RRP8: variants seen among roughly 807,000 people sequenced by gnomAD.
RRP8 encodes ribosomal RNA-processing protein 8.
RRP8 carries 48 observed loss-of-function variants against 45.0 expected under a neutral mutation model. The observed-to-expected ratio is 1.07, with a 90% CI of 0.85 to 1.36. The LOEUF is 1.36. RRP8 is among the 40% of genes most tolerant of loss of function. RRP8 has a pLI of 0.00. For missense variants in RRP8, 658 were observed against 573.7 expected (o/e 1.15, Z -1.50); for synonymous variants, 274 against 212.4 (o/e 1.29, Z -2.52).
In RRP8 at chr11:6,601,674, C is replaced by T. The variant is rs1417158345; in HGVS notation, c.464-72G>A. 18 of 1,508,752 alleles carry T rather than the reference C, an allele frequency of 1.2e-5. No homozygotes were observed. The Admixed American group carries it at 3.3e-4, about 28-fold the overall frequency. 93.5% of individuals were successfully genotyped at this position (1,508,752 alleles called of 1,614,324 possible). A position where few individuals can be genotyped will look rare whatever the true frequency, so the allele number is the denominator to read the frequency against. On this transcript the variant is annotated intron_variant, in intron 2 of 6. Coordinates refer to ENST00000254605, the MANE Select transcript of RRP8 (RefSeq NM_015324.4). ...CATTCGGAGTCACGGCAAGTCATCC[C>T]AGCCATACCTCTGTCTTTGAGATCG... is the stretch of plus-strand genomic sequence containing the variant.
rs1230783061 is a variant in RRP8 at position 6,601,275 on chromosome 11, C to G, written c.791G>C (p.Ser264Thr). The change falls in exon 3 of 7, where the codon AGT becomes ACT. Residue 264 changes from serine to threonine, a missense_variant. Transcript: ENST00000254605. ...TTCCTGGAAGAGACGCTGTGCAGCA[C>G]TGCTGGGCCCTGAGTACAACTGTTC... Reference protein sequence around the residue: ...LNEQLYSGPSSAAQRLFQEDP... With the variant: ...LNEQLYSGPSTAAQRLFQEDP... 1 of 1,612,470 alleles carries G rather than the reference C, an allele frequency of 6.2e-7. No homozygotes were observed. Among genetic ancestry groups the G allele is most frequent in the Non-Finnish European group, 8.5e-7 (1 of 1,179,316 alleles).
chr11:6,602,242 G>A (rs765475554), intron 1 of RRP8, 27 bp from the exon 2 acceptor site: 7 of 1,520,080 alleles, frequency 4.6e-6, no homozygotes, highest in African/African-American at 2.8e-5. Flanking sequence ...GATGACAGTG[G>A]GCCTAAAGAG....
rs1017082378 is a variant in RRP8 at position 6,595,887 on chromosome 11, G to T, written c.*4259C>A. ...ATTTTCTTGTTCAAAGTCCAATATG[G>T]ATGTTTTTGGTCAAGTAGCTATTAT... On this transcript the variant is annotated 3_prime_UTR_variant, in exon 7 of 7. Coordinates refer to ENST00000254605, the MANE Select transcript of RRP8 (RefSeq NM_015324.4). 3 of 152,180 alleles carry T rather than the reference G, an allele frequency of 2.0e-5. No homozygotes were observed. Among genetic ancestry groups the T allele is most frequent in the African/African-American group, 7.2e-5 (3 of 41,440 alleles). 9.4% of individuals were successfully genotyped at this position (152,180 alleles called of 1,614,324 possible).
chr11:6,600,251 G>A lies in RRP8; in HGVS notation c.1266C>T (p.Ser422=), dbSNP rs2134497260. The A allele has an allele frequency of 6.3e-7, 1 of 1,597,864 alleles. No homozygotes were observed. The highest frequency in any genetic ancestry group is 8.5e-7 in the Non-Finnish European group (1 of 1,174,226). ...FKIVSKDLTN[S]HFFLFDFQKT... ...TTTGGAAATCAAACAAGAAGAAATG[G>A]CTGTTGGTCAGGTCCTAGGGGCAGA... The change falls in exon 7 of 7, where the codon AGC becomes AGT. Residue 422 remains serine (S), a synonymous_variant. Transcript: ENST00000254605.
At position 6,600,200 on chromosome 11, in the gene RRP8, G is replaced by C. The variant is rs771095755; in HGVS notation, c.1317C>G (p.Pro439=). The C allele has an allele frequency of 6.2e-7, 1 of 1,608,376 alleles. No individual in the cohort carries two copies. Among genetic ancestry groups the C allele is most frequent in the Non-Finnish European group, 8.5e-7 (1 of 1,177,938 alleles). The change falls in exon 7 of 7, where the codon CCC becomes CCG. Residue 439 remains proline (P), a synonymous_variant. Coordinates refer to ENST00000254605, the MANE Select transcript of RRP8 (RefSeq NM_015324.4). Reference sequence around the variant, plus strand: ...GCTGCAGGCCTGAAAGCTGAGCCTTGGGCCCTACCAGAGGGGGCCCAGTCT... The same window carrying C: ...GCTGCAGGCCTGAAAGCTGAGCCTTCGGCCCTACCAGAGGGGGCCCAGTCT... The part of the protein sequence containing the change: ...FQKTGPPLVG[P]KAQLSGLQLQ...
In RRP8 at chr11:6,603,484, A is replaced by T; in HGVS notation, c.19T>A (p.Trp7Arg). The T allele has an allele frequency of 6.3e-7, 1 of 1,593,430 alleles. No individual in the cohort carries two copies. Among genetic ancestry groups the T allele is most frequent in the Non-Finnish European group, 8.5e-7 (1 of 1,171,286 alleles). MFEEPEWAEAAPVAAGL... is the reference protein window; with the variant it reads MFEEPERAEAAPVAAGL... ...GCGGCTACTGGGGCCGCCTCGGCCC[A>T]CTCAGGCTCTTCGAACATGAGGGTC... is the stretch of plus-strand genomic sequence containing the variant. The change falls in exon 1 of 7, where the codon TGG becomes AGG. Residue 7 changes from tryptophan (W) to arginine (R), a missense_variant. Trp to Arg is a moderately radical substitution (Grantham distance 101, BLOSUM62 -3). Transcript: ENST00000254605.
At position 6,602,173 on chromosome 11, in the gene RRP8, C is replaced by T. The variant is rs770921004; in HGVS notation, c.142G>A (p.Glu48Lys). Reference protein sequence around the residue: ...RQLLATLRALEAASLSQHPPS... With the variant: ...RQLLATLRALKAASLSQHPPS... Reference sequence around the variant, plus strand: ...GGATGCTGGGAAAGAGATGCTGCCTCTAGGGCCCGTAATGTGGCCAAGAGC... The same window carrying T: ...GGATGCTGGGAAAGAGATGCTGCCTTTAGGGCCCGTAATGTGGCCAAGAGC... Residue 48 changes from glutamate to lysine, a missense_variant, in exon 2 of 7, where the codon GAG becomes AAG. Transcript: ENST00000254605. The T allele has an allele frequency of 6.3e-6, 10 of 1,597,220 alleles. No individual in the cohort carries two copies. Among genetic ancestry groups the T allele is most frequent in the Non-Finnish European group, 8.5e-6 (10 of 1,171,372 alleles).
rs1040005234 is a variant in RRP8, at chr11:6,601,955, A to G, written c.360T>C (p.Ala120=). 16 of 1,613,954 alleles carry G rather than the reference A, an allele frequency of 9.9e-6. No homozygotes were observed. Among genetic ancestry groups the G allele is most frequent in the Non-Finnish European group, 1.2e-5 (14 of 1,179,982 alleles). Residue 120 remains alanine, a synonymous_variant, in exon 2 of 7, where the codon GCT becomes GCC. Transcript: ENST00000254605. ...VERKKKCHKQ[A]LVGSDSAEDE... ...CTTCAGCAGAGTCACTGCCAACAAG[A>G]GCCTGTTTGTGGCATTTCTTCTTCC...
At position 6,600,767 on chromosome 11, in the gene RRP8, C is replaced by T; in HGVS notation, c.1056G>A (p.Leu352=). Residue 352 remains leucine (L), a synonymous_variant, in exon 5 of 7, where the codon CTG becomes CTA. Coordinates refer to ENST00000254605, the MANE Select transcript of RRP8 (RefSeq NM_015324.4). Reference sequence around the variant, plus strand: ...CAGCCACATCCACAGACTCATCCTCCAGAGGAACCTGTGGAGAGTGAGAGT... The same window carrying T: ...CAGCCACATCCACAGACTCATCCTCTAGAGGAACCTGTGGAGAGTGAGAGT... The part of the protein sequence containing the change: ...VTVCDMAQVP[L]EDESVDVAVF... 6.2e-7 allele frequency: 1 copy of T among 1,613,946 alleles called. No individual in the cohort carries two copies. The highest frequency in any genetic ancestry group is 2.2e-5 in the East Asian group (1 of 44,884).
rs142424203 is a variant in RRP8 at position 6,602,214 on chromosome 11, C to A, written c.101G>T (p.Gly34Val). ...GGCCAAGAGCTGGCGGCGCTTGGAG[C>A]CCTGGAGGAAAACAGGGGATGACAG... ...PPPAASSQNKGSKRRQLLATL... is the reference protein window; with the variant it reads ...PPPAASSQNKVSKRRQLLATL... Residue 34 changes from glycine to valine, a missense_variant and splice_region_variant, in exon 2 of 7, where the codon GGC becomes GTC. Gly to Val is a moderately radical substitution (Grantham distance 109). Coordinates refer to ENST00000254605, the MANE Select transcript of RRP8 (RefSeq NM_015324.4). The A allele has an allele frequency of 2.6e-6, 4 of 1,545,088 alleles. No homozygotes were observed. The highest frequency in any genetic ancestry group is 1.3e-5 in the South Asian group (1 of 78,856).
Position 6,601,147 on chromosome 11 carries a change from A to G in RRP8, c.917+2T>C, listed in dbSNP as rs1854342694. ...TTCTCACAGTCCCTGACCCCCATTC[A>G]CCGCTGGCGAAGATCCCTGGCGATG... On this transcript the variant is annotated splice_donor_variant, in intron 3 of 6. Coordinates refer to ENST00000254605, the MANE Select transcript of RRP8 (RefSeq NM_015324.4). LOFTEE classifies it high-confidence loss of function. 2.5e-6 allele frequency: 4 copies of G among 1,613,456 alleles called. No homozygotes were observed. Among genetic ancestry groups the G allele is most frequent in the African/African-American group, 1.3e-5 (1 of 74,832 alleles).
intron 6 of RRP8, 98 bp downstream of exon 6, chr11:6,600,388 A>C (rs1248087469): frequency 3.0e-6 from 4 of 1,354,888 alleles, no homozygotes; most frequent in South Asian, 1.3e-5. Flanking sequence ...GGGGAGCAAA[A>C]TGTCTGTTCC....
intron 6 of RRP8, 89 bp from the exon 7 acceptor site, chr11:6,600,354 C>G (rs1373172253): frequency 3.4e-5 from 44 of 1,305,992 alleles, no homozygotes; most frequent in Non-Finnish European, 4.3e-5. Flanking sequence ...GCTCACAAAG[C>G]TTCCCAGGGC....
Position 6,600,761 on chromosome 11 carries a change from A to T in RRP8, c.1062T>A (p.Asp354Glu), listed in dbSNP as rs1442900532. 6.2e-7 allele frequency: 1 copy of T among 1,611,864 alleles called. No homozygotes were observed. The highest frequency in any genetic ancestry group is 1.3e-5 in the African/African-American group (1 of 74,886). The change falls in exon 5 of 7, where the codon GAT (aspartate) becomes GAA (glutamate). Residue 354 changes from aspartate (D) to glutamate (E), a missense_variant. Asp to Glu is a conservative substitution (Grantham distance 45, BLOSUM62 2). Transcript: ENST00000254605. ...AAAACACAGCCACATCCACAGACTC[A>T]TCCTCCAGAGGAACCTGTGGAGAGT... is the stretch of plus-strand genomic sequence containing the variant. ...VCDMAQVPLEDESVDVAVFCL... is the reference protein window; with the variant it reads ...VCDMAQVPLEEESVDVAVFCL...
At position 6,600,146 on chromosome 11, in the gene RRP8, T is replaced by C; in HGVS notation, c.1371A>G (p.Ter457TrpextTer6). The change falls in exon 7 of 7, where the codon TGA (stop) becomes TGG (tryptophan). Residue 457 changes from the stop codon to tryptophan (W), a stop_lost. Coordinates refer to ENST00000254605, the MANE Select transcript of RRP8 (RefSeq NM_015324.4). ...QLQPCLYKRR[*>W] The stretch of plus-strand genomic sequence containing the variant: ...TCCCCTTTCAAGGAAGATCCAGAGG[T>C]CACCTGCGCTTGTAGAGACATGGCT... The C allele has an allele frequency of 6.4e-7, 1 of 1,569,708 alleles. No individual in the cohort carries two copies. Among genetic ancestry groups the C allele is most frequent in the South Asian group, 1.2e-5 (1 of 85,346 alleles).
chr11:6,601,284 C>G lies in RRP8; in HGVS notation c.782G>C (p.Gly261Ala), dbSNP rs747622196. The G allele has an allele frequency of 9.3e-6, 15 of 1,613,016 alleles. No homozygotes were observed. Among genetic ancestry groups the G allele is most frequent in the Admixed American group, 3.3e-5 (2 of 59,764 alleles). The change falls in exon 3 of 7, where the codon GGG (glycine) becomes GCG (alanine). Residue 261 changes from glycine (G) to alanine (A), a missense_variant. By Grantham distance (60) the Gly-to-Ala change is moderately conservative. Coordinates refer to ENST00000254605, the MANE Select transcript of RRP8 (RefSeq NM_015324.4). Reference sequence around the variant, plus strand: ...GAGACGCTGTGCAGCACTGCTGGGCCCTGAGTACAACTGTTCATTGAGGTA... The same window carrying G: ...GAGACGCTGTGCAGCACTGCTGGGCGCTGAGTACAACTGTTCATTGAGGTA... Reference protein sequence around the residue: ...FRYLNEQLYSGPSSAAQRLFQ... With the variant: ...FRYLNEQLYSAPSSAAQRLFQ...
In RRP8 at chr11:6,601,442, T is replaced by C; in HGVS notation, c.624A>G (p.Pro208=). The C allele has an allele frequency of 6.2e-7, 1 of 1,614,194 alleles. No individual in the cohort carries two copies. Among genetic ancestry groups the C allele is most frequent in the Non-Finnish European group, 8.5e-7 (1 of 1,180,042 alleles). Residue 208 remains proline (P), a synonymous_variant, in exon 3 of 7, where the codon CCA becomes CCG. Coordinates refer to ENST00000254605, the MANE Select transcript of RRP8 (RefSeq NM_015324.4). ...TGGGGGCCTCAGCTGGGGCCTGGTC[T>C]GGCACCTGAGGTGGCTGAAACTTGT... ...CKNKFQPPQV[P]DQAPAEAPTE... is the part of the protein sequence containing the mutation.
At position 6,601,402 on chromosome 11, in the gene RRP8, CCT is replaced by C; in HGVS notation, c.662_663del (p.Glu221GlyfsTer11). 6.2e-7 allele frequency: 1 copy of C among 1,614,142 alleles called. No individual in the cohort carries two copies. The highest frequency in any genetic ancestry group is 8.5e-7 in the Non-Finnish European group (1 of 1,180,032). On this transcript the variant is annotated frameshift_variant, in exon 3 of 7. Transcript: ENST00000254605. LOFTEE classifies it high-confidence loss of function. ...APAEAPTEKT[E>X]VSPVPRTDSH... is the part of the protein sequence containing the mutation. The stretch of plus-strand genomic sequence containing the variant: ...CTGTCTGTCCTGGGAACAGGAGACA[CCT>C]CTGTCTTCTCTGTGGGGGCCTCAGC...
rs772829540 is a variant in RRP8, at chr11:6,601,292, C to T, written c.774G>A (p.Leu258=). ...GTGCAGCACTGCTGGGCCCTGAGTACAACTGTTCATTGAGGTAGCGAAATC... is the reference window on the plus strand; with the variant it reads ...GTGCAGCACTGCTGGGCCCTGAGTATAACTGTTCATTGAGGTAGCGAAATC... The part of the protein sequence containing the change: ...GARFRYLNEQ[L]YSGPSSAAQR... Residue 258 remains leucine, a synonymous_variant, in exon 3 of 7, where the codon TTG becomes TTA. Transcript: ENST00000254605. 2.0e-5 allele frequency: 32 copies of T among 1,613,216 alleles called. No homozygotes were observed. Among genetic ancestry groups the T allele is most frequent in the Non-Finnish European group, 2.6e-5 (31 of 1,179,664 alleles).
Sources: allele counts gnomAD v4.1 joint callset, GRCh38; gene constraint gnomAD v4.1.1; transcripts MANE v1.5; gene names NCBI Gene and HGNC (gene_info 2026-07-23, HGNC 2026-07-21).